ASAP1: variants seen among roughly 807,000 people sequenced by gnomAD.
ASAP1 encodes the protein arf-GAP with SH3 domain, ANK repeat and PH domain-containing protein 1.
A neutral mutation model predicts 145.2 loss-of-function variants in ASAP1; 43 were observed. The ratio of observed to expected loss-of-function variants is 0.30; its 90% CI spans 0.23 to 0.38. ASAP1 has a LOEUF of 0.38. Among genes scored for constraint, ASAP1 ranks in the 10% least tolerant of loss-of-function variants. The probability of loss-of-function intolerance (pLI) is 1.00; values close to 1 mark genes in which losing one functional copy is unlikely to be tolerated. For synonymous variants in ASAP1, 546 were observed against 515.5 expected (o/e 1.06, Z -0.80); for missense variants, 1,018 against 1,355.3 (o/e 0.75, Z 3.91).
intron 7 of ASAP1, among the ~76,000 whole-genome samples, chr8:130,183,580 G>GCC (rs1413534358): frequency 1.3e-5 from 2 of 152,016 alleles, no homozygotes; most frequent in Admixed American, 1.3e-4. Context: ...GACCTCAAGC[G>GCC]ATTTGCCCAC....
At chr8:130,254,859 T>G (rs547975884) in intron 3 of ASAP1, among the ~76,000 whole-genome samples, 4 of 152,202 alleles carry the variant, frequency 2.6e-5, no homozygotes, top group Non-Finnish European at 5.9e-5. Flanking sequence ...CTAACAACTT[T>G]AAACTTAGAA....
intron 27 of ASAP1, among the ~76,000 whole-genome samples, chr8:130,067,471 C>T (rs367772917): frequency 4.5e-4 from 68 of 152,326 alleles, no homozygotes; most frequent in African/African-American, 1.5e-3. Context: ...ACATGGCTCA[C>T]TACTACCTCG....
At chr8:130,107,269 G>A (rs2097538530) in intron 24 of ASAP1, among the ~76,000 whole-genome samples, 1 of 143,038 alleles carries the variant, frequency 7.0e-6, no homozygotes, top group African/African-American at 2.6e-5. Flanking sequence ...TGCAAGCTCC[G>A]CTTCCCGGGT....
intron 12 of ASAP1, among the ~76,000 whole-genome samples, chr8:130,156,159 G>C (rs1042461298): frequency 6.6e-6 from 1 of 152,112 alleles, no homozygotes; most frequent in African/African-American, 2.4e-5. Flanking sequence ...AAGTAATAAA[G>C]AGCATTCCAA....
chr8:130,354,739 C>T lies in ASAP1; in HGVS notation c.186+3278G>A, dbSNP rs141488395. ...AAACACTCACACGCCAGGATGAAACCTTGGCAGAACACCAGCTCATCCATT... is the reference window on the plus strand; with the variant it reads ...AAACACTCACACGCCAGGATGAAACTTTGGCAGAACACCAGCTCATCCATT... On this transcript the variant is annotated intron_variant, in intron 3 of 29. Coordinates refer to ENST00000518721, the MANE Select transcript of ASAP1 (RefSeq NM_018482.4). 7.2e-5 allele frequency among the ~76,000 whole-genome samples: 11 copies of T among 152,320 alleles called. No homozygotes were observed. In the East Asian group the frequency reaches 1.7e-3, roughly 24 times the overall value.
At chr8:130,374,135 T>C (rs1827365576) in intron 2 of ASAP1, among the ~76,000 whole-genome samples, 2 of 151,492 alleles carry the variant, frequency 1.3e-5, no homozygotes, top group South Asian at 2.1e-4. Context: ...ATTTACAGAT[T>C]GCATGACATT....
In ASAP1 at chr8:130,167,620, T is replaced by C. The variant is rs1247364959; in HGVS notation, c.825A>G (p.Ile275Met). The change falls in exon 11 of 30, where the codon ATA becomes ATG. Residue 275 changes from isoleucine (I) to methionine (M), a missense_variant and splice_region_variant. Around this residue, in one of 9 missense-constraint regions of ASAP1, gnomAD observed 62 missense variants for 68.5 expected, o/e 0.90. Coordinates refer to ENST00000518721, the MANE Select transcript of ASAP1 (RefSeq NM_018482.4). Reference protein sequence around the residue: ...IEKLAADLYNIKQTQDEEKKQ... With the variant: ...IEKLAADLYNMKQTQDEEKKQ... ...TCTTTTCTTCATCCTGGGTCTGTTTTATCTATGAAAAAAAAATTACTTCTA... is the reference window on the plus strand; with the variant it reads ...TCTTTTCTTCATCCTGGGTCTGTTTCATCTATGAAAAAAAAATTACTTCTA... The C allele has an allele frequency of 6.2e-7, 1 of 1,605,372 alleles. No individual in the cohort carries two copies. Among genetic ancestry groups the C allele is most frequent in the Non-Finnish European group, 8.5e-7 (1 of 1,174,234 alleles).
At chr8:130,370,890 G>A (rs1288992367) in intron 2 of ASAP1, among the ~76,000 whole-genome samples, 1 of 152,200 alleles carries the variant, frequency 6.6e-6, no homozygotes, top group African/African-American at 2.4e-5. Flanking sequence ...GGGGCTGTGG[G>A]GGAAGTGGTA....
intron 3 of ASAP1, among the ~76,000 whole-genome samples, chr8:130,308,211 T>C (rs144617983): frequency 6.6e-5 from 10 of 152,340 alleles, no homozygotes; most frequent in African/African-American, 2.4e-4. Flanking sequence ...ATTTTCACAG[T>C]TGTCCAATTC....
chr8:130,205,379 TAAG>T, intron 5 of ASAP1, among the ~76,000 whole-genome samples: 1 of 104,678 alleles, frequency 9.6e-6, no homozygotes, highest in Middle Eastern at 6.9e-3. Flanking sequence ...TGAATCCTTA[TAAG>T]AAAAAAAAAA....
intron 17 of ASAP1, among the ~76,000 whole-genome samples, chr8:130,124,751 A>G (rs1020027205): frequency 2.0e-5 from 3 of 152,178 alleles, no homozygotes; most frequent in Admixed American, 1.3e-4. Flanking sequence ...TTTGAGGGAA[A>G]AAGTCTTGGG....
intron 3 of ASAP1, among the ~76,000 whole-genome samples, chr8:130,312,973 T>C (rs1823450771): frequency 6.6e-6 from 1 of 152,160 alleles, no homozygotes; most frequent in African/African-American, 2.4e-5. Context: ...GACAGCTCAT[T>C]AAATTAAAAA....
At chr8:130,284,879 A>C (rs1323549055) in intron 3 of ASAP1, among the ~76,000 whole-genome samples, 4 of 144,796 alleles carry the variant, frequency 2.8e-5, no homozygotes, top group Non-Finnish European at 6.1e-5. Flanking sequence ...ACACACACAC[A>C]CCATACTGAG....
At chr8:130,081,468 C>T (rs1312949593) in intron 25 of ASAP1, among the ~76,000 whole-genome samples, 3 of 152,174 alleles carry the variant, frequency 2.0e-5, no homozygotes, top group African/African-American at 4.8e-5. Flanking sequence ...CTCTTGTTCT[C>T]TTCTTTCAGC....
intron 27 of ASAP1, among the ~76,000 whole-genome samples, chr8:130,072,523 T>C (rs1564927498): frequency 1.4e-5 from 2 of 138,542 alleles, no homozygotes; most frequent in East Asian, 4.1e-4. Context: ...TCCATTAAAC[T>C]TCTTTTTCTT....
chr8:130,180,908 A>AC, intron 7 of ASAP1, 28 bp from the exon 8 acceptor site: 1 of 1,041,156 alleles, frequency 9.6e-7, no homozygotes, highest in Non-Finnish European at 1.2e-6. Context: ...GTCATTATTT[A>AC]AAAAAAAAAA....
intron 9 of ASAP1, among the ~76,000 whole-genome samples, chr8:130,177,231 T>C (rs1814024250): frequency 6.6e-6 from 1 of 152,230 alleles, no homozygotes. Context: ...CTATACAAGT[T>C]AGCATCACCA....
At chr8:130,305,225 C>A (rs1453729501) in intron 3 of ASAP1, among the ~76,000 whole-genome samples, 1 of 152,214 alleles carries the variant, frequency 6.6e-6, no homozygotes, top group African/African-American at 2.4e-5. Context: ...CTGTTTATTT[C>A]TTGACTGCCT....
At chr8:130,296,117 A>C (rs1372786514) in intron 3 of ASAP1, among the ~76,000 whole-genome samples, 1 of 152,182 alleles carries the variant, frequency 6.6e-6, no homozygotes, top group African/African-American at 2.4e-5. Flanking sequence ...CTCTCTCTGC[A>C]CCTAGCTCAT....
Sources: allele counts gnomAD v4.1 joint callset (sites outside exome capture counted in the v4.1 genomes callset), GRCh38; gene constraint gnomAD v4.1.1; regional missense constraint gnomAD v4.1.1; transcripts MANE v1.5; gene names NCBI Gene and HGNC (gene_info 2026-07-23, HGNC 2026-07-21).